Variants in MET observed in about 807,000 individuals in gnomAD.
MET encodes hepatocyte growth factor receptor.
MET carries 48 observed loss-of-function variants against 133.1 expected under a neutral mutation model. The ratio of observed to expected loss-of-function variants is 0.36; its 90% CI spans 0.29 to 0.46. MET has a LOEUF of 0.46. Ranked by LOEUF, MET falls within the 20% of genes least tolerant of loss-of-function variation. The probability of loss-of-function intolerance (pLI) is 1.00; values close to 1 mark genes in which losing one functional copy is unlikely to be tolerated. For missense variants in MET, 1,442 were observed against 1,695.9 expected, an observed-to-expected ratio of 0.85 and a Z score of 2.63; for synonymous variants, 628 against 616.5, an observed-to-expected ratio of 1.02 and a Z score of -0.28.
At position 116,672,444 on chromosome 7, in the gene MET, G is replaced by A; in HGVS notation, c.-148G>A. On this transcript the variant is annotated 5_prime_UTR_variant, in exon 1 of 21. Coordinates refer to ENST00000397752, the MANE Select transcript of MET (RefSeq NM_000245.4). The stretch of plus-strand genomic sequence containing the variant: ...CGGCGCCCCGAGCGCTTTGTGAGCA[G>A]ATGCGGAGCCGAGTGGAGGGCGCGA... 1 of 397,202 alleles carries A rather than the reference G, an allele frequency of 2.5e-6. No homozygotes were observed. 24.6% of individuals were successfully genotyped at this position (397,202 alleles called of 1,614,324 possible). A position where few individuals can be genotyped will look rare whatever the true frequency, so the allele number is the denominator to read the frequency against.
At chr7:116,782,308 G>T (rs765122275) in intron 18 of MET, among the ~76,000 whole-genome samples, 1 of 152,180 alleles carries the variant, frequency 6.6e-6, no homozygotes, top group Non-Finnish European at 1.5e-5. Context: ...CTCCATAGGG[G>T]GTCTTAAACA....
At chr7:116,705,225 C>G (rs1280127517) in intron 2 of MET, among the ~76,000 whole-genome samples, 2 of 152,036 alleles carry the variant, frequency 1.3e-5, no homozygotes, top group Non-Finnish European at 2.9e-5. Context: ...AAAATAATTG[C>G]AGCCTTCCAT....
intron 2 of MET, among the ~76,000 whole-genome samples, chr7:116,726,202 T>TCTCTACCA (rs1354435204): frequency 2.3e-3 from 12 of 5,310 alleles, no homozygotes; most frequent in Non-Finnish European, 5.4e-3. Flanking sequence ...AATACTCATA[T>TCTCTACCA]CTCTACCACC....
Position 116,699,536 on chromosome 7 carries a change from C to T in MET, c.452C>T (p.Thr151Ile), listed in dbSNP as rs1584876832. ...CGACATGTCTTTCCCCACAATCATA[C>T]TGCTGACATACAGTCGGAGGTTCAC... is the stretch of plus-strand genomic sequence containing the variant. ...CQRHVFPHNH[T>I]ADIQSEVHCI... Residue 151 changes from threonine (T) to isoleucine (I), a missense_variant, in exon 2 of 21, where the codon ACT becomes ATT. Around this residue, in one of 6 missense-constraint regions of MET, gnomAD observed 762 missense variants for 792.4 expected, o/e 0.96. Coordinates refer to ENST00000397752, the MANE Select transcript of MET (RefSeq NM_000245.4). 9 of 1,614,052 alleles carry T rather than the reference C, an allele frequency of 5.6e-6. No individual in the cohort carries two copies. Among genetic ancestry groups the T allele is most frequent in the Non-Finnish European group, 6.8e-6 (8 of 1,179,964 alleles).
At chr7:116,680,172 C>A (rs1035428773) in intron 1 of MET, among the ~76,000 whole-genome samples, 2 of 152,142 alleles carry the variant, frequency 1.3e-5, no homozygotes, top group African/African-American at 4.8e-5. Context: ...AATACATTAT[C>A]ATTACAGCTT....
At chr7:116,672,727 C>T (rs971766951) in intron 1 of MET, 150 bp downstream of exon 1, 7 of 368,292 alleles carry the variant, frequency 1.9e-5, no homozygotes. Context: ...ACTGAAGAGA[C>T]GTGGCCACGG....
Position 116,763,203 on chromosome 7 carries a change from G to T in MET, c.2518G>T (p.Val840Leu). The change falls in exon 11 of 21, where the codon GTG (valine) becomes TTG (leucine). Residue 840 changes from valine to leucine, a missense_variant. This residue lies in a region of MET where 514 missense variants were observed against 659.6 expected (regional missense o/e 0.78). Coordinates refer to ENST00000397752, the MANE Select transcript of MET (RefSeq NM_000245.4). The stretch of plus-strand genomic sequence containing the variant: ...TGATCTCATTTATGTACATAATCCT[G>T]TGTTTAAGCCTTTTGAAAAGCCAGT... ...YFDLIYVHNP[V>L]FKPFEKPVMI... 1 of 1,613,934 alleles carries T rather than the reference G, an allele frequency of 6.2e-7. No homozygotes were observed. Among genetic ancestry groups the T allele is most frequent in the Non-Finnish European group, 8.5e-7 (1 of 1,179,968 alleles).
intron 1 of MET, among the ~76,000 whole-genome samples, chr7:116,677,584 A>G (rs947133557): frequency 5.9e-5 from 9 of 152,246 alleles, no homozygotes; most frequent in Non-Finnish European, 1.2e-4. Flanking sequence ...TTAAAACACC[A>G]TACAGCTTAC....
intron 17 of MET, among the ~76,000 whole-genome samples, chr7:116,781,204 G>A (rs1047910117): frequency 2.0e-5 from 3 of 152,102 alleles, no homozygotes; most frequent in African/African-American, 7.2e-5. Flanking sequence ...TCTTCCCAGG[G>A]AAACTGCAAT....
intron 2 of MET, among the ~76,000 whole-genome samples, chr7:116,715,727 G>A (rs888088498): frequency 1.3e-5 from 2 of 152,192 alleles, no homozygotes; most frequent in Admixed American, 1.3e-4. Context: ...GAAGAACTGA[G>A]GTTTAGAGAT....
At chr7:116,734,378 T>C (rs1425587628) in intron 3 of MET, among the ~76,000 whole-genome samples, 2 of 152,246 alleles carry the variant, frequency 1.3e-5, no homozygotes, top group Non-Finnish European at 2.9e-5. Flanking sequence ...ATTGTGCTTA[T>C]GTTCAGCTCT....
chr7:116,793,328 C>T (rs1280283658), intron 19 of MET, among the ~76,000 whole-genome samples: 2 of 152,042 alleles, frequency 1.3e-5, no homozygotes, highest in African/African-American at 4.8e-5. Flanking sequence ...GTGCACACCA[C>T]CATGCCTGGC....
At chr7:116,784,485 T>A (rs1475127248) in intron 19 of MET, among the ~76,000 whole-genome samples, 1 of 152,164 alleles carries the variant, frequency 6.6e-6, no homozygotes, top group Admixed American at 6.5e-5. Flanking sequence ...AGGGAGCTTT[T>A]ACCCATAGCA....
At chr7:116,795,470 CCTTA>C (rs780136309) in intron 19 of MET, among the ~76,000 whole-genome samples, 181 bp from the exon 20 acceptor site, 1 of 152,164 alleles carries the variant, frequency 6.6e-6, no homozygotes, top group Non-Finnish European at 1.5e-5. Context: ...ATAATCTAAA[CCTTA>C]CTTGTTTAAA....
At chr7:116,750,635 A>G (rs906999846) in intron 5 of MET, among the ~76,000 whole-genome samples, 3 of 152,254 alleles carry the variant, frequency 2.0e-5, no homozygotes, top group African/African-American at 4.8e-5. Flanking sequence ...ATCAGAGTGA[A>G]CAGGCAACCT....
intron 18 of MET, among the ~76,000 whole-genome samples, chr7:116,783,057 A>G (rs1795200640): frequency 6.6e-6 from 1 of 152,222 alleles, no homozygotes; most frequent in Admixed American, 6.5e-5. Flanking sequence ...AGCAAAAAGG[A>G]CTTTCTTATG....
At chr7:116,760,815 A>G (rs1794372746) in intron 10 of MET, among the ~76,000 whole-genome samples, 1 of 152,144 alleles carries the variant, frequency 6.6e-6, no homozygotes, top group Admixed American at 6.5e-5. Context: ...GAGAGATTGT[A>G]CTCTAGGGAG....
rs17138937 is a variant in MET at position 116,700,528 on chromosome 7, A to C, written c.1200+244A>C. On this transcript the variant is annotated intron_variant, in intron 2 of 20. Coordinates refer to ENST00000397752, the MANE Select transcript of MET (RefSeq NM_000245.4). ...TACAATTCAGATTTGCATGTTCGTG[A>C]CATTTCAGATTATATTAAAGTTATT... Among the ~76,000 whole-genome samples the C allele has an allele frequency of 0.24, 36,686 of 152,080 alleles. 4,516 individuals carry two copies. The highest frequency in any genetic ancestry group is 0.34 in the East Asian group (1,764 of 5,174).
Position 116,700,159 on chromosome 7 carries a change from C to A in MET, c.1075C>A (p.Arg359=), listed in dbSNP as rs753762177. The A allele has an allele frequency of 6.3e-7, 1 of 1,592,956 alleles. No individual in the cohort carries two copies. The highest frequency in any genetic ancestry group is 1.8e-5 in the Admixed American group (1 of 56,912). The change falls in exon 2 of 21, where the codon CGA becomes AGA. Residue 359 remains arginine, a synonymous_variant. Transcript: ENST00000397752. The part of the protein sequence containing the change: ...SKPDSAEPMD[R]SAMCAFPIKY... ...GCCAGATTCTGCCGAACCAATGGAT[C>A]GATCTGCCATGTGTGCATTCCCTAT...
Sources: allele counts gnomAD v4.1 joint callset (sites outside exome capture counted in the v4.1 genomes callset), GRCh38; gene constraint gnomAD v4.1.1; regional missense constraint gnomAD v4.1.1; transcripts MANE v1.5; gene names NCBI Gene and HGNC (gene_info 2026-07-23, HGNC 2026-07-21).